Variants in CFH observed in about 807,000 individuals in gnomAD.
CFH encodes complement factor H.
A neutral mutation model predicts 147.3 loss-of-function variants in CFH; 53 were observed. The ratio of observed to expected loss-of-function variants is 0.36; its 90% confidence interval spans 0.29 to 0.45. The LOEUF (loss-of-function observed/expected upper bound fraction) is 0.45, where lower values mean the gene tolerates loss of function less well. CFH is among the 20% of genes least tolerant of loss of function. CFH has a pLI of 1.00. For missense variants in CFH, 1,380 were observed against 1,498.0 expected (o/e 0.92, Z 1.30); for synonymous variants, 536 against 489.4 (o/e 1.10, Z -1.26).
intron 1 of CFH, among the ~76,000 whole-genome samples, chr1:196,669,034 C>A (rs1303857169): frequency 6.6e-6 from 1 of 152,124 alleles, no homozygotes; most frequent in Non-Finnish European, 1.5e-5. Context: ...TGATAGTGAT[C>A]TGGAATATGA....
At chr1:196,662,728 A>T (rs1666949496) in intron 1 of CFH, among the ~76,000 whole-genome samples, 1 of 152,040 alleles carries the variant, frequency 6.6e-6, no homozygotes, top group South Asian at 2.1e-4. Flanking sequence ...CAAAAAATAC[A>T]AAAATTAGCT....
chr1:196,676,718 G>A (rs981402867), intron 4 of CFH, among the ~76,000 whole-genome samples: 2 of 152,010 alleles, frequency 1.3e-5, no homozygotes, highest in Non-Finnish European at 2.9e-5. Flanking sequence ...CAGAAGAAAC[G>A]TGATAATCAT....
intron 9 of CFH, among the ~76,000 whole-genome samples, chr1:196,709,212 CG>C (rs1308289587): frequency 3.3e-5 from 5 of 152,094 alleles, no homozygotes; most frequent in Admixed American, 3.3e-4. Flanking sequence ...TTGAGCTTTC[CG>C]CCTGCATACT....
intron 1 of CFH, among the ~76,000 whole-genome samples, chr1:196,672,095 C>T (rs2149076982): frequency 6.6e-6 from 1 of 152,074 alleles, no homozygotes; most frequent in East Asian, 1.9e-4. Context: ...TATGAAGCTA[C>T]CTAGACTCTA....
At chr1:196,714,647 A>ATG (rs1558173305) in intron 10 of CFH, among the ~76,000 whole-genome samples, 6 of 41,540 alleles carry the variant, frequency 1.4e-4, no homozygotes, top group African/African-American at 6.3e-4. Flanking sequence ...ATATATATAT[A>ATG]TATATATATA....
At chr1:196,708,315 A>G (rs1359643151) in intron 9 of CFH, among the ~76,000 whole-genome samples, 3 of 152,172 alleles carry the variant, frequency 2.0e-5, no homozygotes, top group Non-Finnish European at 4.4e-5. Flanking sequence ...ATGACTACCT[A>G]TCTGCACCAG....
At chr1:196,659,911 G>A (rs1029216857) in intron 1 of CFH, among the ~76,000 whole-genome samples, 2 of 152,268 alleles carry the variant, frequency 1.3e-5, no homozygotes, top group Non-Finnish European at 2.9e-5. Flanking sequence ...ATTCTTCCAC[G>A]AACTATGAAA....
chr1:196,686,370 G>A (rs1361935508), intron 7 of CFH, among the ~76,000 whole-genome samples: 3 of 152,066 alleles, frequency 2.0e-5, no homozygotes, highest in Admixed American at 1.3e-4. Flanking sequence ...CCAAGTCTTA[G>A]TCATTTCCTA....
At chr1:196,672,739 A>G (rs1367262338) in intron 1 of CFH, among the ~76,000 whole-genome samples, 1 of 152,200 alleles carries the variant, frequency 6.6e-6, no homozygotes, top group Non-Finnish European at 1.5e-5. Context: ...GTTTTTCCAC[A>G]GTGAACATTC....
chr1:196,737,113 A>T, intron 16 of CFH, 107 bp downstream of exon 16: 1 of 1,014,792 alleles, frequency 9.9e-7, no homozygotes, highest in Non-Finnish European at 1.5e-6. Context: ...CTATTACTTT[A>T]TCCTGACAAA....
At chr1:196,700,031 T>C (rs958405717) in intron 9 of CFH, among the ~76,000 whole-genome samples, 3 of 152,166 alleles carry the variant, frequency 2.0e-5, no homozygotes, top group Non-Finnish European at 2.9e-5. Context: ...GAGTTTCTCC[T>C]TTAGGTTCTG....
intron 9 of CFH, among the ~76,000 whole-genome samples, chr1:196,711,876 A>G (rs1668730799): frequency 6.6e-6 from 1 of 152,036 alleles, no homozygotes; most frequent in African/African-American, 2.4e-5. Flanking sequence ...CAGAGTGTCA[A>G]TATTCAGCCA....
At chr1:196,722,043 TA>T (rs1270072987) in intron 11 of CFH, among the ~76,000 whole-genome samples, 1 of 152,098 alleles carries the variant, frequency 6.6e-6, no homozygotes, top group Non-Finnish European at 1.5e-5. Context: ...CTATTTATGT[TA>T]AAAGTTAATA....
At position 196,747,324 on chromosome 1, in the gene CFH, A is replaced by G; in HGVS notation, c.*11A>G. ...TGTGCAAAAAGATAGAATCAATCATAAAGTGCACACCTTTATTCAGAACTT... is the reference window on the plus strand; with the variant it reads ...TGTGCAAAAAGATAGAATCAATCATGAAGTGCACACCTTTATTCAGAACTT... On this transcript the variant is annotated 3_prime_UTR_variant, in exon 22 of 22. Transcript: ENST00000367429. 1.2e-6 allele frequency: 2 copies of G among 1,614,106 alleles called. No individual in the cohort carries two copies. Among genetic ancestry groups the G allele is most frequent in the Non-Finnish European group, 1.7e-6 (2 of 1,179,962 alleles).
At chr1:196,708,678 T>C (rs1668652401) in intron 9 of CFH, among the ~76,000 whole-genome samples, 1 of 152,132 alleles carries the variant, frequency 6.6e-6, no homozygotes, top group African/African-American at 2.4e-5. Context: ...TACATGTTTA[T>C]TTGTGGCATA....
rs897349638 is a variant in CFH at position 196,715,623 on chromosome 1, C to A, written c.1550C>A (p.Ala517Asp). The A allele has an allele frequency of 6.2e-7, 1 of 1,612,364 alleles. No homozygotes were observed. ...KSCDIPVFMNARTKNDFTWFK... is the reference protein window; with the variant it reads ...KSCDIPVFMNDRTKNDFTWFK... ...TGTGATATCCCAGTATTTATGAATG[C>A]CAGAACTAAAAATGACTTCACATGG... Residue 517 changes from alanine (A) to aspartate (D), a missense_variant, in exon 11 of 22, where the codon GCC becomes GAC. Transcript: ENST00000367429.
intron 1 of CFH, among the ~76,000 whole-genome samples, chr1:196,668,547 G>T (rs1667173615): frequency 6.6e-6 from 1 of 152,152 alleles, no homozygotes; most frequent in Non-Finnish European, 1.5e-5. Flanking sequence ...TGTCAAGGGA[G>T]GAACTCAGTG....
intron 15 of CFH, 60 bp from the exon 16 acceptor site, chr1:196,736,758 CTAATTT>C: frequency 1.2e-6 from 1 of 805,082 alleles, no homozygotes; most frequent in Non-Finnish European, 1.6e-6. Context: ...ATCAAAAATT[CTAATTT>C]TAATATTTTT....
chr1:196,665,815 C>T (rs6675088), intron 1 of CFH, among the ~76,000 whole-genome samples: 2 of 152,106 alleles, frequency 1.3e-5, no homozygotes, highest in Non-Finnish European at 1.5e-5. Context: ...ACATGTTTGT[C>T]GGGCTAGTCT....
Sources: allele counts gnomAD v4.1 joint callset (sites outside exome capture counted in the v4.1 genomes callset), GRCh38; gene constraint gnomAD v4.1.1; transcripts MANE v1.5; gene names NCBI Gene and HGNC (gene_info 2026-07-23, HGNC 2026-07-21).